NCKAP5: variants seen among roughly 807,000 people sequenced by gnomAD.
NCKAP5 encodes the protein nck-associated protein 5.
A neutral mutation model predicts 167.0 loss-of-function variants in NCKAP5; 92 were observed. The ratio of observed to expected loss-of-function variants is 0.55; its 90% CI spans 0.47 to 0.66. The LOEUF is 0.66. NCKAP5 is among the 30% of genes least tolerant of loss of function. NCKAP5 has a pLI of 0.00. For missense variants in NCKAP5, 2,378 were observed against 2,315.0 expected (o/e 1.03, Z -0.56); for synonymous variants, 891 against 877.4 (o/e 1.02, Z -0.27).
At chr2:132,675,350 G>C (rs917207402) in intron 19 of NCKAP5, among the ~76,000 whole-genome samples, 8 of 152,158 alleles carry the variant, frequency 5.3e-5, no homozygotes, top group Non-Finnish European at 1.0e-4. Flanking sequence ...TTTATTTCAG[G>C]ACTGCAATAA....
chr2:133,162,791 T>C (rs937389113), intron 5 of NCKAP5, among the ~76,000 whole-genome samples: 1 of 152,228 alleles, frequency 6.6e-6, no homozygotes, highest in Non-Finnish European at 1.5e-5. Context: ...TCAAAGCCAC[T>C]TGTGGCTACT....
chr2:132,736,041 G>A (rs952993551), intron 16 of NCKAP5, among the ~76,000 whole-genome samples: 5 of 152,090 alleles, frequency 3.3e-5, no homozygotes, highest in African/African-American at 1.2e-4. Context: ...AGAATTGCAT[G>A]CCCTGACATT....
chr2:132,770,379 TTA>T (rs1289852598), intron 16 of NCKAP5, among the ~76,000 whole-genome samples: 3 of 148,114 alleles, frequency 2.0e-5, no homozygotes, highest in South Asian at 2.1e-4. Flanking sequence ...ATTGTATATA[TTA>T]TATATTATAA....
At chr2:133,320,451 G>A (rs1175851072) in intron 3 of NCKAP5, among the ~76,000 whole-genome samples, 9 of 152,162 alleles carry the variant, frequency 5.9e-5, no homozygotes, top group African/African-American at 1.9e-4. Flanking sequence ...GCCCTTGGCT[G>A]GGTGCGGTGG....
chr2:133,429,218 G>A (rs1196305038), intron 3 of NCKAP5, among the ~76,000 whole-genome samples: 3 of 152,124 alleles, frequency 2.0e-5, no homozygotes, highest in Non-Finnish European at 4.4e-5. Context: ...TTCATGATAA[G>A]ATGTTATGTT....
chr2:133,169,239 T>C (rs1275859900), intron 5 of NCKAP5, among the ~76,000 whole-genome samples: 2 of 152,226 alleles, frequency 1.3e-5, no homozygotes, highest in Admixed American at 1.3e-4. Flanking sequence ...TATCAAGTGC[T>C]GTCACTATTT....
At chr2:133,659,635 C>T in the NCKAP5 span, among the ~76,000 whole-genome samples, 14 of 152,136 alleles carry the variant, frequency 9.2e-5, no homozygotes, top group South Asian at 4.2e-4. Context: ...TACTGGGATT[C>T]GGGGGAGAAT....
At chr2:133,392,709 G>T (rs931250394) in intron 3 of NCKAP5, among the ~76,000 whole-genome samples, 1 of 152,006 alleles carries the variant, frequency 6.6e-6, no homozygotes, top group Admixed American at 6.6e-5. Context: ...ATTTATTTTT[G>T]TTTCTATATC....
At chr2:133,372,285 A>G (rs1199844655) in intron 3 of NCKAP5, among the ~76,000 whole-genome samples, 1 of 152,168 alleles carries the variant, frequency 6.6e-6, no homozygotes, top group Non-Finnish European at 1.5e-5. Context: ...TGAAGGTTTC[A>G]TTATAGAATA....
In NCKAP5 at chr2:133,436,034, A is replaced by G. The variant is rs372878806; in HGVS notation, c.69+81424T>C. ...CACCCAGACCCTCAAGCAGGGAACTATCCTTGACAGCTCATGCCCCTCCAT... is the reference window on the plus strand; with the variant it reads ...CACCCAGACCCTCAAGCAGGGAACTGTCCTTGACAGCTCATGCCCCTCCAT... On this transcript the variant is annotated intron_variant, in intron 3 of 19. Transcript: ENST00000409261. Among the ~76,000 whole-genome samples the G allele has an allele frequency of 4.6e-5, 7 of 152,314 alleles. No individual in the cohort carries two copies. The East Asian group carries it at 7.7e-4, about 17-fold the overall frequency.
chr2:133,332,100 G>A (rs989378934), intron 3 of NCKAP5, among the ~76,000 whole-genome samples: 4 of 152,192 alleles, frequency 2.6e-5, no homozygotes, highest in Non-Finnish European at 4.4e-5. Context: ...CCCTCAGGGA[G>A]ACTTCAGATA....
chr2:133,351,252 A>G (rs188485763), intron 3 of NCKAP5, among the ~76,000 whole-genome samples: 18 of 152,260 alleles, frequency 1.2e-4, no homozygotes, highest in Admixed American at 1.0e-3. Flanking sequence ...AACCACTCAC[A>G]GGGTTTTCTC....
At chr2:133,012,073 G>T (rs752121774) in intron 6 of NCKAP5, among the ~76,000 whole-genome samples, 47 of 151,970 alleles carry the variant, frequency 3.1e-4, no homozygotes, top group Non-Finnish European at 3.2e-4. Context: ...TTATCCTAAT[G>T]GATGCCTCCT....
chr2:133,404,476 T>G (rs1688300792), intron 3 of NCKAP5, among the ~76,000 whole-genome samples: 1 of 152,158 alleles, frequency 6.6e-6, no homozygotes, highest in African/African-American at 2.4e-5. Flanking sequence ...TAGTAAAAGA[T>G]TAACGATAAC....
intron 4 of NCKAP5, among the ~76,000 whole-genome samples, chr2:133,235,835 C>T (rs927341538): frequency 2.0e-5 from 3 of 150,568 alleles, no homozygotes; most frequent in Admixed American, 2.0e-4. Context: ...ACCCGGGAGG[C>T]AGATGTTGCA....
intron 2 of NCKAP5, among the ~76,000 whole-genome samples, chr2:133,519,381 T>C (rs1177208853): frequency 1.3e-5 from 2 of 152,244 alleles, no homozygotes; most frequent in Non-Finnish European, 2.9e-5. Context: ...AAGAAGTTAG[T>C]TCTGTATACT....
At chr2:133,584,861 A>G in the NCKAP5 span, among the ~76,000 whole-genome samples, 1 of 151,924 alleles carries the variant, frequency 6.6e-6, no homozygotes, top group Non-Finnish European at 1.5e-5. Flanking sequence ...CAATATAAGG[A>G]CAATAGTTAA....
rs867300786 is a variant in NCKAP5 at position 132,961,395 on chromosome 2, T to C, written c.579+2325A>G. Among the ~76,000 whole-genome samples the C allele has an allele frequency of 2.0e-5, 3 of 151,950 alleles. 1 individual carries two copies. In the Middle Eastern group the frequency reaches 0.01, roughly 524 times the overall value. On this transcript the variant is annotated intron_variant, in intron 8 of 19. Coordinates refer to ENST00000409261, the MANE Select transcript of NCKAP5 (RefSeq NM_207363.3). Reference sequence around the variant, plus strand: ...TTACATACTTTATTATAAAATGAAATAATCTTCTTATTACCTGTTCAAGTA... The same window carrying C: ...TTACATACTTTATTATAAAATGAAACAATCTTCTTATTACCTGTTCAAGTA...
intron 2 of NCKAP5, among the ~76,000 whole-genome samples, chr2:133,542,648 T>C (rs1225555701): frequency 6.6e-6 from 1 of 152,210 alleles, no homozygotes; most frequent in Non-Finnish European, 1.5e-5. Context: ...CAGACTACCT[T>C]GACATCTTTT....
Sources: allele counts gnomAD v4.1 joint callset (sites outside exome capture counted in the v4.1 genomes callset), GRCh38; gene constraint gnomAD v4.1.1; transcripts MANE v1.5; gene names NCBI Gene and HGNC (gene_info 2026-07-23, HGNC 2026-07-21).